LRRTM4: variants seen among roughly 807,000 people sequenced by gnomAD.
The protein encoded by LRRTM4 is leucine-rich repeat transmembrane neuronal protein 4.
LRRTM4 carries 25 observed loss-of-function variants against 47.6 expected under a neutral mutation model. That is an observed-to-expected ratio of 0.53 (90% CI 0.38 to 0.73). The LOEUF (loss-of-function observed/expected upper bound fraction) is 0.73, where lower values mean the gene tolerates loss of function less well. Ranked by LOEUF, LRRTM4 falls within the 30% of genes least tolerant of loss-of-function variation. The pLI, the probability that LRRTM4 is intolerant of heterozygous loss-of-function variation, is 0.00. For synonymous variants in LRRTM4, 311 were observed against 269.5 expected, an observed-to-expected ratio of 1.15 and a Z score of -1.51; for missense variants, 638 against 713.4, an observed-to-expected ratio of 0.89 and a Z score of 1.20.
At chr2:77,018,740 A>T (rs1678162668) in intron 3 of LRRTM4, among the ~76,000 whole-genome samples, 1 of 152,104 alleles carries the variant, frequency 6.6e-6, no homozygotes. Flanking sequence ...AGGAAAATAT[A>T]ATTGTTAAAG....
At chr2:76,949,968 G>A (rs1201189565) in intron 3 of LRRTM4, among the ~76,000 whole-genome samples, 1 of 151,818 alleles carries the variant, frequency 6.6e-6, no homozygotes, top group African/African-American at 2.4e-5. Flanking sequence ...TAAGATAGAA[G>A]ACAAAATATA....
In LRRTM4 at chr2:76,991,698, C is replaced by A. The variant is rs147990950; in HGVS notation, c.1552-242782G>T. ...CAGAAGGGCTCAGAGCCAAATTCTA[C>A]CAGATGTACAGAGAAGAGCTGGTAC... On this transcript the variant is annotated intron_variant, in intron 3 of 3. Transcript: ENST00000409884. Among the ~76,000 whole-genome samples, 328 of 151,770 alleles carry A rather than the reference C, an allele frequency of 2.2e-3. 7 individuals carry two copies. Among genetic ancestry groups the A allele is most frequent in the African/African-American group, 7.7e-3 (318 of 41,492 alleles).
At chr2:77,219,629 T>A (rs1674560871) in intron 3 of LRRTM4, among the ~76,000 whole-genome samples, 1 of 152,208 alleles carries the variant, frequency 6.6e-6, no homozygotes, top group African/African-American at 2.4e-5. Flanking sequence ...AAGACTTCCC[T>A]GACATTTTTG....
intron 3 of LRRTM4, among the ~76,000 whole-genome samples, chr2:77,086,662 G>T (rs1353871778): frequency 6.9e-6 from 1 of 144,768 alleles, no homozygotes; most frequent in African/African-American, 2.8e-5. Flanking sequence ...TTGTTTATTT[G>T]TTTGTTATTT....
At chr2:77,280,076 G>A (rs147701306) in intron 3 of LRRTM4, among the ~76,000 whole-genome samples, 129 of 152,106 alleles carry the variant, frequency 8.5e-4, no homozygotes, top group African/African-American at 2.6e-3. Context: ...ATTAAGTAGC[G>A]AGATTATCCT....
intron 3 of LRRTM4, among the ~76,000 whole-genome samples, chr2:77,039,585 C>G (rs950175854): frequency 5.3e-5 from 8 of 151,212 alleles, no homozygotes; most frequent in African/African-American, 1.9e-4. Context: ...AATCTATCTT[C>G]CATTTGTTAG....
rs1170122795 is a variant in LRRTM4, at chr2:76,792,114, TAG to T, written c.1552-43200_1552-43199del. On this transcript the variant is annotated intron_variant, in intron 3 of 3. Coordinates refer to ENST00000409884, the MANE Select transcript of LRRTM4 (RefSeq NM_001134745.3). ...ATATAAATGCCCATAGTTAGAGAAA[TAG>T]AGTTTTTCTAGTCCTAAAAAAGAGA... Among the ~76,000 whole-genome samples, 16 of 150,334 alleles carry T rather than the reference TAG, an allele frequency of 1.1e-4. No homozygotes were observed. The East Asian group carries it at 3.1e-3, about 29-fold the overall frequency.
intron 3 of LRRTM4, among the ~76,000 whole-genome samples, chr2:77,467,607 G>C (rs1174761144): frequency 6.6e-6 from 1 of 152,130 alleles, no homozygotes; most frequent in African/African-American, 2.4e-5. Flanking sequence ...CATACGCTAA[G>C]AATAATTCAT....
chr2:77,466,384 T>C (rs1676982738), intron 3 of LRRTM4, among the ~76,000 whole-genome samples: 1 of 152,192 alleles, frequency 6.6e-6, no homozygotes, highest in Admixed American at 6.5e-5. Context: ...TGTAAGTTTT[T>C]CAAGTTTTAC....
chr2:77,169,692 A>C (rs569125625), intron 3 of LRRTM4, among the ~76,000 whole-genome samples: 1 of 152,252 alleles, frequency 6.6e-6, no homozygotes, highest in Admixed American at 6.5e-5. Flanking sequence ...ATACATCAGC[A>C]TGTAAACCCT....
intron 3 of LRRTM4, among the ~76,000 whole-genome samples, chr2:77,079,932 T>A (rs867856542): frequency 1.2e-4 from 18 of 152,230 alleles, no homozygotes; most frequent in African/African-American, 4.3e-4. Flanking sequence ...AGAAATATAT[T>A]TTTAAATGTA....
chr2:76,961,094 TTTTA>T (rs1231416075), intron 3 of LRRTM4, among the ~76,000 whole-genome samples: 1 of 151,474 alleles, frequency 6.6e-6, no homozygotes, highest in African/African-American at 2.4e-5. Flanking sequence ...CTACTTTCAT[TTTTA>T]TTTATTACAA....
At chr2:77,373,367 A>G (rs1463597981) in intron 3 of LRRTM4, among the ~76,000 whole-genome samples, 1 of 151,522 alleles carries the variant, frequency 6.6e-6, no homozygotes, top group Non-Finnish European at 1.5e-5. Flanking sequence ...AACAATACTG[A>G]AAAAAACCAT....
chr2:77,277,507 A>G (rs185891101), intron 3 of LRRTM4, among the ~76,000 whole-genome samples: 38 of 152,190 alleles, frequency 2.5e-4, no homozygotes, highest in Non-Finnish European at 3.5e-4. Flanking sequence ...TGATATATGT[A>G]TTCTTCAGAT....
At chr2:76,991,598 G>A (rs1412207539) in intron 3 of LRRTM4, among the ~76,000 whole-genome samples, 1 of 151,522 alleles carries the variant, frequency 6.6e-6, no homozygotes, top group Non-Finnish European at 1.5e-5. Context: ...AGAAATTAAA[G>A]CCCTTAGCAG....
At chr2:76,992,176 A>T (rs1408861066) in intron 3 of LRRTM4, among the ~76,000 whole-genome samples, 2 of 151,886 alleles carry the variant, frequency 1.3e-5, no homozygotes, top group African/African-American at 4.8e-5. Flanking sequence ...AACAGCCAAC[A>T]TCATAATGGG....
intron 3 of LRRTM4, among the ~76,000 whole-genome samples, chr2:77,384,538 A>G (rs1313011871): frequency 6.6e-6 from 1 of 151,952 alleles, no homozygotes; most frequent in African/African-American, 2.4e-5. Context: ...AGTATTACTA[A>G]TAGCAATAGA....
At chr2:77,359,433 A>T (rs555990788) in intron 3 of LRRTM4, among the ~76,000 whole-genome samples, 2 of 152,324 alleles carry the variant, frequency 1.3e-5, no homozygotes, top group African/African-American at 4.8e-5. Flanking sequence ...ATACTACATT[A>T]TATTAACTAT....
At chr2:77,259,477 T>C (rs961007058) in intron 3 of LRRTM4, among the ~76,000 whole-genome samples, 5 of 152,112 alleles carry the variant, frequency 3.3e-5, no homozygotes, top group Non-Finnish European at 7.4e-5. Flanking sequence ...TCAAGGACTA[T>C]GTATCACTAC....
Sources: allele counts gnomAD v4.1 joint callset (sites outside exome capture counted in the v4.1 genomes callset), GRCh38; gene constraint gnomAD v4.1.1; transcripts MANE v1.5; gene names NCBI Gene and HGNC (gene_info 2026-07-23, HGNC 2026-07-21).